Variants in CNBD1 observed in about 807,000 individuals in gnomAD.
The protein encoded by CNBD1 is cyclic nucleotide-binding domain-containing protein 1.
In CNBD1, 71 loss-of-function variants were observed where a neutral mutation model predicts 54.4. The observed-to-expected ratio is 1.30, with a 90% CI of 1.08 to 1.59. The LOEUF (loss-of-function observed/expected upper bound fraction) is 1.59, where lower values mean the gene tolerates loss of function less well. Ranked by LOEUF, CNBD1 falls within the 40% of genes most tolerant of loss-of-function variation. The pLI is 0.00. For synonymous variants in CNBD1, 182 were observed against 170.7 expected, an observed-to-expected ratio of 1.07 and a Z score of -0.51; for missense variants, 659 against 518.0, an observed-to-expected ratio of 1.27 and a Z score of -2.64.
rs111743049 is a variant in CNBD1, at chr8:87,274,913, C to G, written c.772-9765C>G. The stretch of plus-strand genomic sequence containing the variant: ...AGGGTTTTTATGGTTTTAGGTGTAA[C>G]GTTTAAGTCTTTAATCCATCTTGAA... On this transcript the variant is annotated intron_variant, in intron 6 of 10. Transcript: ENST00000518476. 2.5e-5 allele frequency among the ~76,000 whole-genome samples: 3 copies of G among 121,114 alleles called. 1 individual carries two copies. Among genetic ancestry groups the G allele is most frequent in the Non-Finnish European group, 5.3e-5 (3 of 56,488 alleles). 79.5% of individuals were successfully genotyped at this position (121,114 alleles called of 152,430 possible). A position where few individuals can be genotyped will look rare whatever the true frequency, so the allele number is the denominator to read the frequency against.
In CNBD1 at chr8:87,283,562, A is replaced by G. The variant is rs113199072; in HGVS notation, c.772-1116A>G. Among the ~76,000 whole-genome samples, 1,071 of 152,232 alleles carry G rather than the reference A, an allele frequency of 7.0e-3. 8 individuals carry two copies. The highest frequency in any genetic ancestry group is 8.5e-3 in the Non-Finnish European group (578 of 68,008). ...ATTTTTCAGCTTTGGGTCTTCTACT[A>G]TGCATAAGTGTATGCTCTGTACTCA... On this transcript the variant is annotated intron_variant, in intron 6 of 10. Coordinates refer to ENST00000518476, the MANE Select transcript of CNBD1 (RefSeq NM_173538.3).
intron 8 of CNBD1, among the ~76,000 whole-genome samples, chr8:87,333,189 A>G (rs1809871434): frequency 1.3e-5 from 2 of 152,090 alleles, no homozygotes; most frequent in Non-Finnish European, 2.9e-5. Context: ...TTGTTGATGT[A>G]TAGGAATGCT....
intron 4 of CNBD1, among the ~76,000 whole-genome samples, chr8:87,090,063 C>A (rs1811175637): frequency 6.6e-6 from 1 of 152,062 alleles, no homozygotes; most frequent in Admixed American, 6.5e-5. Context: ...CTGGCACACC[C>A]TTTCAAAGAA....
chr8:87,316,920 A>G (rs1809397735), intron 8 of CNBD1, among the ~76,000 whole-genome samples: 1 of 151,792 alleles, frequency 6.6e-6, no homozygotes, highest in Non-Finnish European at 1.5e-5. Flanking sequence ...AATGCATTTT[A>G]GAATGTGACT....
intron 10 of CNBD1, among the ~76,000 whole-genome samples, chr8:87,380,483 T>G (rs1427304975): frequency 6.6e-6 from 1 of 151,982 alleles, no homozygotes; most frequent in Admixed American, 6.6e-5. Context: ...TTTCTGCAGA[T>G]TGATTTGGTT....
At chr8:87,308,688 G>C (rs1809205181) in intron 8 of CNBD1, among the ~76,000 whole-genome samples, 1 of 151,980 alleles carries the variant, frequency 6.6e-6, no homozygotes, top group African/African-American at 2.4e-5. Flanking sequence ...ACTAGAATTT[G>C]TTCCTTTTAT....
At chr8:87,298,223 T>C (rs1234791893) in intron 8 of CNBD1, among the ~76,000 whole-genome samples, 2 of 152,014 alleles carry the variant, frequency 1.3e-5, no homozygotes, top group South Asian at 2.1e-4. Context: ...CACTTGCAAA[T>C]AGACTATGCA....
chr8:87,369,365 T>C (rs954278023), intron 10 of CNBD1, among the ~76,000 whole-genome samples: 1 of 152,024 alleles, frequency 6.6e-6, no homozygotes, highest in Non-Finnish European at 1.5e-5. Context: ...TGTATATTTA[T>C]ATTGTGTTTT....
rs979550399 is a variant in CNBD1, at chr8:86,967,937, G to A, written c.431+28183G>A. On this transcript the variant is annotated intron_variant, in intron 4 of 10. Coordinates refer to ENST00000518476, the MANE Select transcript of CNBD1 (RefSeq NM_173538.3). ...CAGTAAATAGGCCTTTGATAATAGC[G>A]GTAAGGTGTAGGGAGAAAGAAAGTG... Among the ~76,000 whole-genome samples the A allele has an allele frequency of 2.0e-5, 3 of 152,128 alleles. No individual in the cohort carries two copies. In the East Asian group the frequency reaches 5.8e-4, roughly 29 times the overall value.
intron 4 of CNBD1, among the ~76,000 whole-genome samples, chr8:87,052,264 T>A (rs1810327086): frequency 6.6e-6 from 1 of 152,198 alleles, no homozygotes; most frequent in Admixed American, 6.5e-5. Flanking sequence ...TATAGCCTGC[T>A]TCCATAGCTT....
intron 5 of CNBD1, among the ~76,000 whole-genome samples, chr8:87,228,519 C>T (rs1484079104): frequency 1.3e-5 from 2 of 149,834 alleles, no homozygotes; most frequent in Non-Finnish European, 2.9e-5. Flanking sequence ...GTCAGTGTGC[C>T]CCTGCTGGGG....
intron 6 of CNBD1, among the ~76,000 whole-genome samples, chr8:87,261,781 A>G (rs912032444): frequency 1.3e-5 from 2 of 152,118 alleles, no homozygotes; most frequent in Admixed American, 1.3e-4. Context: ...AGGGACTCAA[A>G]TATAGTAGTA....
chr8:86,917,510 G>A (rs1158204759), intron 3 of CNBD1, among the ~76,000 whole-genome samples: 1 of 152,118 alleles, frequency 6.6e-6, no homozygotes, highest in Non-Finnish European at 1.5e-5. Context: ...GCACTGAGGG[G>A]GTCTAGAATT....
chr8:87,078,465 G>A (rs1024472323), intron 4 of CNBD1, among the ~76,000 whole-genome samples: 1 of 152,178 alleles, frequency 6.6e-6, no homozygotes, highest in Non-Finnish European at 1.5e-5. Flanking sequence ...TAATTTAACA[G>A]ACCTAGGAGC....
intron 10 of CNBD1, among the ~76,000 whole-genome samples, chr8:87,378,798 C>A (rs1317572535): frequency 6.6e-6 from 1 of 150,910 alleles, no homozygotes; most frequent in African/African-American, 2.5e-5. Flanking sequence ...ATGGAATGTT[C>A]TTCCATTTGT....
rs144138519 is a variant in CNBD1 at position 87,155,372 on chromosome 8, T to C, written c.432-50621T>C. 6.7e-4 allele frequency among the ~76,000 whole-genome samples: 102 copies of C among 152,236 alleles called. 1 individual carries two copies. Among genetic ancestry groups the C allele is most frequent in the South Asian group, 1.0e-3 (5 of 4,834 alleles). On this transcript the variant is annotated intron_variant, in intron 4 of 10. Transcript: ENST00000518476. Reference sequence around the variant, plus strand: ...TTGCATTTGACGGCTTAGATAGCAGTGTAGAAGATATATTAAAGGAGGAAT... The same window carrying C: ...TTGCATTTGACGGCTTAGATAGCAGCGTAGAAGATATATTAAAGGAGGAAT...
intron 4 of CNBD1, among the ~76,000 whole-genome samples, chr8:86,989,133 A>G (rs1167687889): frequency 2.0e-5 from 3 of 152,036 alleles, no homozygotes; most frequent in Non-Finnish European, 4.4e-5. Flanking sequence ...TCAGCCAGGC[A>G]TGGTGACGTG....
chr8:87,075,823 CT>C (rs1344273025), intron 4 of CNBD1, among the ~76,000 whole-genome samples: 2 of 152,132 alleles, frequency 1.3e-5, no homozygotes, highest in African/African-American at 4.8e-5. Flanking sequence ...GCTCTCTCAG[CT>C]TTCTGTGAGG....
At chr8:87,011,640 T>C (rs1809225219) in intron 4 of CNBD1, among the ~76,000 whole-genome samples, 1 of 152,190 alleles carries the variant, frequency 6.6e-6, no homozygotes, top group Non-Finnish European at 1.5e-5. Context: ...CTTTATTTTA[T>C]TCTCATTTGA....
Sources: gnomAD v4.1 joint callset for allele counts (sites outside exome capture counted in the v4.1 genomes callset) on GRCh38, gnomAD v4.1.1 for gene constraint, MANE v1.5 for transcripts, NCBI Gene and HGNC (gene_info 2026-07-23, HGNC 2026-07-21) for gene names.